Variants in TMEM131L observed in about 807,000 individuals in gnomAD.
TMEM131L encodes transmembrane protein 131-like.
TMEM131L carries 54 observed loss-of-function variants against 192.2 expected under a neutral mutation model. The observed-to-expected ratio is 0.28, with a 90% CI of 0.23 to 0.35. The LOEUF (loss-of-function observed/expected upper bound fraction) is 0.35, where lower values mean the gene tolerates loss of function less well. Ranked by LOEUF, TMEM131L falls within the 10% of genes least tolerant of loss-of-function variation. The pLI, the probability that TMEM131L is intolerant of heterozygous loss-of-function variation, is 1.00. For missense variants in TMEM131L, 1,888 were observed against 1,972.9 expected (o/e 0.96, Z 0.82); for synonymous variants, 701 against 704.9 (o/e 0.99, Z 0.09).
chr4:153,530,817 C>A (rs1261028883), intron 3 of TMEM131L, among the ~76,000 whole-genome samples: 2 of 151,976 alleles, frequency 1.3e-5, no homozygotes, highest in Non-Finnish European at 2.9e-5. Context: ...TTCCTGAGGC[C>A]CCCCCACTTT....
chr4:153,559,269 C>T (rs1728694480), intron 7 of TMEM131L, among the ~76,000 whole-genome samples: 1 of 152,140 alleles, frequency 6.6e-6, no homozygotes, highest in African/African-American at 2.4e-5. Flanking sequence ...TCTTAGGGAT[C>T]TTAAATCATA....
intron 3 of TMEM131L, among the ~76,000 whole-genome samples, chr4:153,509,450 G>C (rs1042884126): frequency 9.9e-5 from 15 of 152,100 alleles, no homozygotes; most frequent in Non-Finnish European, 2.9e-5. Flanking sequence ...ATTTTGGCTG[G>C]GTGTGGTGGC....
intron 16 of TMEM131L, among the ~76,000 whole-genome samples, 200 bp from the exon 17 acceptor site, chr4:153,590,853 G>C (rs1452624663): frequency 1.3e-5 from 2 of 151,964 alleles, no homozygotes; most frequent in African/African-American, 4.8e-5. Flanking sequence ...GTGCTTCCTT[G>C]CTTTCTAGTA....
At chr4:153,594,569 G>A (rs1731296895) in intron 19 of TMEM131L, among the ~76,000 whole-genome samples, 1 of 152,176 alleles carries the variant, frequency 6.6e-6, no homozygotes, top group Admixed American at 6.5e-5. Context: ...ACATACACAT[G>A]TAAACTCACA....
At chr4:153,491,053 C>G (rs1004983001) in intron 3 of TMEM131L, among the ~76,000 whole-genome samples, 1 of 151,820 alleles carries the variant, frequency 6.6e-6, no homozygotes, top group East Asian at 1.9e-4. Flanking sequence ...TTGTCCGTGT[C>G]GAAGTCAGAA....
Position 153,596,386 on chromosome 4 carries a change from G to T in TMEM131L, c.2123+1G>T. The T allele has an allele frequency of 6.2e-7, 1 of 1,613,360 alleles. No individual in the cohort carries two copies. Among genetic ancestry groups the T allele is most frequent in the Non-Finnish European group, 8.5e-7 (1 of 1,179,432 alleles). ...AAGTTACCTCACTCATACTAATCCG[G>T]TAGGTGTGTTCCTGTTGTAGAATCT... On this transcript the variant is annotated splice_donor_variant, in intron 20 of 34. Coordinates refer to ENST00000409959, the MANE Select transcript of TMEM131L (RefSeq NM_001131007.2). LOFTEE classifies it high-confidence loss of function.
At chr4:153,489,867 C>T (rs930901519) in intron 3 of TMEM131L, among the ~76,000 whole-genome samples, 1 of 151,962 alleles carries the variant, frequency 6.6e-6, no homozygotes, top group African/African-American at 2.4e-5. Flanking sequence ...TTCCTTGTGT[C>T]AGAATTCAGA....
chr4:153,513,919 G>T (rs540915712), intron 3 of TMEM131L, among the ~76,000 whole-genome samples: 1 of 152,246 alleles, frequency 6.6e-6, no homozygotes, highest in Non-Finnish European at 1.5e-5. Context: ...TCATGGTTGG[G>T]ATTATAACAA....
chr4:153,477,279 T>A (rs918019469), intron 3 of TMEM131L, among the ~76,000 whole-genome samples: 2 of 152,180 alleles, frequency 1.3e-5, no homozygotes, highest in East Asian at 3.9e-4. Context: ...AGACTTGATA[T>A]GACACGTCTA....
chr4:153,570,694 A>G (rs1729529305), intron 7 of TMEM131L, among the ~76,000 whole-genome samples: 1 of 152,182 alleles, frequency 6.6e-6, no homozygotes, highest in Non-Finnish European at 1.5e-5. Flanking sequence ...GAGCTTCTGC[A>G]GTCTGTGGGC....
chr4:153,620,498 T>C (rs1733313321), intron 26 of TMEM131L, among the ~76,000 whole-genome samples: 1 of 152,254 alleles, frequency 6.6e-6, no homozygotes, highest in Non-Finnish European at 1.5e-5. Context: ...TGGTCATAAA[T>C]TGCTAGCAGA....
chr4:153,472,952 A>C (rs1313790793), intron 2 of TMEM131L, among the ~76,000 whole-genome samples: 10 of 152,254 alleles, frequency 6.6e-5, no homozygotes, highest in Admixed American at 6.5e-4. Flanking sequence ...CTTAGGGACA[A>C]GGGAGGCCTT....
At chr4:153,483,905 G>C (rs906545122) in intron 3 of TMEM131L, among the ~76,000 whole-genome samples, 1 of 152,064 alleles carries the variant, frequency 6.6e-6, no homozygotes, top group African/African-American at 2.4e-5. Flanking sequence ...TGTCACGGTG[G>C]GTCAGTGAGA....
chr4:153,576,774 ACT>A (rs1205595584), intron 7 of TMEM131L, among the ~76,000 whole-genome samples: 11 of 151,378 alleles, frequency 7.3e-5, no homozygotes, highest in Non-Finnish European at 1.3e-4. Context: ...AGAAATACAC[ACT>A]GTTAGGTTTT....
chr4:153,618,374 G>T (rs1578877242), intron 26 of TMEM131L, among the ~76,000 whole-genome samples: 1 of 151,264 alleles, frequency 6.6e-6, no homozygotes, highest in East Asian at 1.9e-4. Flanking sequence ...CTACTCAGGA[G>T]GCTGAGGTAG....
intron 26 of TMEM131L, among the ~76,000 whole-genome samples, chr4:153,613,242 A>G (rs1732757319): frequency 6.6e-6 from 1 of 152,256 alleles, no homozygotes; most frequent in Non-Finnish European, 1.5e-5. Context: ...AGAAGGCATA[A>G]TAAAGGTCTC....
At chr4:153,485,041 C>T (rs1307204727) in intron 3 of TMEM131L, among the ~76,000 whole-genome samples, 1 of 148,392 alleles carries the variant, frequency 6.7e-6, no homozygotes, top group Non-Finnish European at 1.5e-5. Flanking sequence ...ATGGCATGAA[C>T]CCGGGAAGTG....
chr4:153,598,374 A>G (rs1330895627), intron 20 of TMEM131L, among the ~76,000 whole-genome samples: 2 of 152,128 alleles, frequency 1.3e-5, no homozygotes, highest in Non-Finnish European at 2.9e-5. Context: ...CAGTCAGCTC[A>G]CTTTGGTACT....
intron 3 of TMEM131L, among the ~76,000 whole-genome samples, chr4:153,511,039 T>C (rs527625096): frequency 4.6e-5 from 7 of 152,334 alleles, no homozygotes; most frequent in East Asian, 1.9e-4. Flanking sequence ...GGTAGGAGTG[T>C]AACTTAGTTC....
Sources: allele counts gnomAD v4.1 joint callset (sites outside exome capture counted in the v4.1 genomes callset), GRCh38; gene constraint gnomAD v4.1.1; transcripts MANE v1.5; gene names NCBI Gene and HGNC (gene_info 2026-07-23, HGNC 2026-07-21).